Variants in EDA observed in about 807,000 individuals in gnomAD.
EDA encodes ectodysplasin A, also known as ectodysplasin-A.
Under a neutral mutation model 23.6 loss-of-function variants are expected in EDA, and 2 were observed. That is an observed-to-expected ratio of 0.08 (90% CI 0.03 to 0.27). The LOEUF (loss-of-function observed/expected upper bound fraction) is 0.27, where lower values mean the gene tolerates loss of function less well. EDA is among the 10% of genes least tolerant of loss of function. EDA has a pLI of 1.00. For synonymous variants in EDA, 131 were observed against 132.0 expected (o/e 0.99, Z 0.05); for missense variants, 229 against 324.2 (o/e 0.71, Z 2.26).
At chrX:69,814,025 T>C (rs2016021261) in intron 1 of EDA, among the ~76,000 whole-genome samples, 1 of 112,296 alleles carries the variant, frequency 8.9e-6, no homozygotes, top group South Asian at 3.7e-4. Flanking sequence ...CCCTCTAAAT[T>C]ATGAAGTTTC....
At chrX:69,830,952 A>T (rs752419411) in intron 1 of EDA, among the ~76,000 whole-genome samples, 1 of 111,757 alleles carries the variant, frequency 8.9e-6, no homozygotes, top group African/African-American at 3.2e-5. Flanking sequence ...ACCACATACT[A>T]TGTTTCTCCC....
At chrX:69,999,620 G>GAAAA (rs772656027) in intron 2 of EDA, among the ~76,000 whole-genome samples, 1 of 77,136 alleles carries the variant, frequency 1.3e-5, no homozygotes. Flanking sequence ...CTGTCTCAGA[G>GAAAA]AAAAAAAAAA....
At chrX:69,993,419 G>A (rs944424757) in intron 2 of EDA, among the ~76,000 whole-genome samples, 1 of 111,167 alleles carries the variant, frequency 9.0e-6, no homozygotes, top group Non-Finnish European at 1.9e-5. Context: ...AGATACTGCT[G>A]GTCAATTTAC....
chrX:69,783,622 A>C (rs1331307610), intron 1 of EDA, among the ~76,000 whole-genome samples: 3 of 111,023 alleles, frequency 2.7e-5, no homozygotes, highest in African/African-American at 3.3e-5. Context: ...TGAACTCATC[A>C]TTTTTTATGG....
At chrX:69,703,877 G>A (rs376641914) in intron 1 of EDA, among the ~76,000 whole-genome samples, 2 of 111,763 alleles carry the variant, frequency 1.8e-5, no homozygotes, top group Non-Finnish European at 3.8e-5. Context: ...GTAATATATC[G>A]TTATAATTTT....
In EDA at chrX:69,863,743, A is replaced by ATG. The variant is rs990889473; in HGVS notation, c.397-93272_397-93271dup. Among the ~76,000 whole-genome samples, 266 of 106,407 alleles carry ATG rather than the reference A, an allele frequency of 2.5e-3. 3 individuals are homozygous for ATG. The highest frequency in any genetic ancestry group is 8.7e-3 in the African/African-American group (253 of 29,123). 92.4% of individuals were successfully genotyped at this position (106,407 alleles called of 115,157 possible). On this transcript the variant is annotated intron_variant, in intron 1 of 7. Coordinates refer to ENST00000374552, the MANE Select transcript of EDA (RefSeq NM_001399.5). ...TATATACATACATATGTGTATGTAT[A>ATG]TGTGTGTGTGTGTATATATATTCTG...
intron 2 of EDA, among the ~76,000 whole-genome samples, chrX:70,005,270 G>GA (rs764816849): frequency 1.6e-4 from 18 of 111,957 alleles, no homozygotes; most frequent in Non-Finnish European, 3.0e-4. Context: ...ACAGTTTTTT[G>GA]AAACTATTAT....
At chrX:69,916,543 C>A (rs754497258) in intron 1 of EDA, among the ~76,000 whole-genome samples, 1 of 108,155 alleles carries the variant, frequency 9.2e-6, no homozygotes, top group South Asian at 4.2e-4. Flanking sequence ...GCTGGGACTA[C>A]AGGCACCCGC....
At chrX:69,973,680 C>T (rs6625546) in intron 2 of EDA, among the ~76,000 whole-genome samples, 44,218 of 110,213 alleles carry the variant, frequency 0.4, 6,659 homozygotes, top group East Asian at 0.69. Flanking sequence ...ACTTATACAG[C>T]GTCAAAATCT....
intron 1 of EDA, among the ~76,000 whole-genome samples, chrX:69,754,437 T>C (rs2014023253): frequency 8.9e-6 from 1 of 112,071 alleles, no homozygotes; most frequent in African/African-American, 3.2e-5. Flanking sequence ...GAGATCAGCT[T>C]TTAGTCTGAT....
chrX:69,700,813 G>T (rs2011514103), intron 1 of EDA, among the ~76,000 whole-genome samples: 1 of 111,231 alleles, frequency 9.0e-6, no homozygotes, highest in African/African-American at 3.3e-5. Flanking sequence ...GAGGTTGGAG[G>T]AGTAGAAGAA....
intron 1 of EDA, among the ~76,000 whole-genome samples, chrX:69,752,620 T>C (rs891787083): frequency 1.8e-5 from 2 of 112,248 alleles, no homozygotes; most frequent in Non-Finnish European, 3.8e-5. Context: ...TTCCCTCTTT[T>C]TCTATTGATT....
chrX:70,020,887 C>T (rs899415637), intron 2 of EDA, among the ~76,000 whole-genome samples: 64 of 112,176 alleles, frequency 5.7e-4, no homozygotes, highest in Non-Finnish European at 1.0e-3. Flanking sequence ...TCTAGATGTG[C>T]ATGAAATGTT....
chrX:69,957,001 G>A, intron 1 of EDA, 26 bp from the exon 2 acceptor site: 1 of 1,184,500 alleles, frequency 8.4e-7, no homozygotes. Context: ...GTCAACCTTT[G>A]ACTAATGTAC....
chrX:69,898,172 T>C (rs936460788), intron 1 of EDA, among the ~76,000 whole-genome samples: 5 of 112,004 alleles, frequency 4.5e-5, no homozygotes, highest in African/African-American at 1.6e-4. Flanking sequence ...ACTCGATTCC[T>C]CCCCCTACCC....
chrX:69,654,302 T>C (rs1009248242), intron 1 of EDA, among the ~76,000 whole-genome samples: 16 of 111,297 alleles, frequency 1.4e-4, no homozygotes, highest in African/African-American at 4.9e-4. Flanking sequence ...AAACAACAGG[T>C]GCTGGAGAGG....
intron 2 of EDA, among the ~76,000 whole-genome samples, chrX:69,967,187 G>A (rs1197536198): frequency 5.4e-5 from 6 of 111,033 alleles, no homozygotes. Flanking sequence ...AATAATGGAC[G>A]TGAGAGGGCA....
chrX:70,036,189 C>T lies in EDA; in HGVS notation c.*580C>T, dbSNP rs766707665. ...TCTTTCTGCTCTATACTGTGGCCTG[C>T]AGGAGGGTTGGAGTGCTCTTCCCAC... On this transcript the variant is annotated 3_prime_UTR_variant, in exon 8 of 8. Transcript: ENST00000374552. 8.9e-6 allele frequency: 1 copy of T among 112,896 alleles called. No homozygotes were observed. Among genetic ancestry groups the T allele is most frequent in the African/African-American group, 3.2e-5 (1 of 30,852 alleles). 9.3% of individuals were successfully genotyped at this position (112,896 alleles called of 1,213,427 possible).
At chrX:69,631,108 C>T (rs1201191649) in intron 1 of EDA, among the ~76,000 whole-genome samples, 1 of 111,140 alleles carries the variant, frequency 9.0e-6, no homozygotes, top group Non-Finnish European at 1.9e-5. Context: ...TGGCCAGGCA[C>T]GGTGGCTCAC....
Sources: allele counts gnomAD v4.1 joint callset (sites outside exome capture counted in the v4.1 genomes callset), GRCh38; gene constraint gnomAD v4.1.1; transcripts MANE v1.5; gene names NCBI Gene and HGNC (gene_info 2026-07-23, HGNC 2026-07-21).